Variants in SLC38A12 observed in about 807,000 individuals in gnomAD.
The protein encoded by SLC38A12 is solute carrier family 38 member 12.
the SLC38A12 span, chr17:74,791,030 A>T: frequency 4.3e-6 from 7 of 1,613,782 alleles, no homozygotes; most frequent in Non-Finnish European, 5.9e-6. Flanking sequence ...CATGTTCTTC[A>T]ATAAAGGTAG....
chr17:74,789,809 C>T, the SLC38A12 span, among the ~76,000 whole-genome samples: 56 of 140,470 alleles, frequency 4.0e-4, no homozygotes, highest in African/African-American at 1.4e-3. Context: ...CACACCATTG[C>T]ACTCCAGCCC....
the SLC38A12 span, among the ~76,000 whole-genome samples, chr17:74,801,337 G>C: frequency 1.3e-5 from 2 of 152,222 alleles, no homozygotes; most frequent in Non-Finnish European, 2.9e-5. Context: ...GCGTGCAGTC[G>C]TTCTAACCCG....
At chr17:74,810,746 T>C in the SLC38A12 span, among the ~76,000 whole-genome samples, 1 of 152,344 alleles carries the variant, frequency 6.6e-6, no homozygotes, top group Admixed American at 6.5e-5. Context: ...CTCATCCTTA[T>C]ATAGTTCCTT....
chr17:74,809,390 C>T, the SLC38A12 span, among the ~76,000 whole-genome samples: 1 of 152,166 alleles, frequency 6.6e-6, no homozygotes, highest in Admixed American at 6.5e-5. Flanking sequence ...AGCCTCAGAG[C>T]AGCCTCCCCC....
chr17:74,834,173 T>C, the SLC38A12 span, among the ~76,000 whole-genome samples: 1 of 152,140 alleles, frequency 6.6e-6, no homozygotes, highest in East Asian at 1.9e-4. Context: ...GGTCCTGGGC[T>C]GTCCCACAGG....
At chr17:74,790,772 T>TTA in the SLC38A12 span, among the ~76,000 whole-genome samples, 90 of 127,004 alleles carry the variant, frequency 7.1e-4, no homozygotes, top group East Asian at 1.9e-3. Context: ...TGAATTCCCT[T>TTA]AAAAAAAAAA....
chr17:74,777,602 A>G, the SLC38A12 span: 33 of 1,498,478 alleles, frequency 2.2e-5, no homozygotes, highest in Non-Finnish European at 2.9e-5. Flanking sequence ...GGTCAAGCCA[A>G]ACAAAATCGC....
chr17:74,787,536 G>T, the SLC38A12 span, among the ~76,000 whole-genome samples: 1 of 151,530 alleles, frequency 6.6e-6, no homozygotes, highest in African/African-American at 2.4e-5. Context: ...GCAGGAGAAT[G>T]GCGTGAACCC....
At chr17:74,836,186 C>T in the SLC38A12 span, 4,827 of 1,612,716 alleles carry the variant, frequency 3.0e-3, 115 homozygotes, top group African/African-American at 0.056. The surrounding 1 kb of genome is among the most constrained non-coding windows in gnomAD (Gnocchi z 4.2). Context: ...TCTGCTTCCG[C>T]GGCGACAGCC....
At chr17:74,794,960 A>AG in the SLC38A12 span, 4 of 1,458,688 alleles carry the variant, frequency 2.7e-6, no homozygotes, top group South Asian at 1.2e-5. Flanking sequence ...AAAAAAAAAA[A>AG]CATGCAGACA....
the SLC38A12 span, among the ~76,000 whole-genome samples, chr17:74,807,638 G>C: frequency 5.3e-5 from 8 of 152,344 alleles, no homozygotes; most frequent in African/African-American, 1.9e-4. Context: ...TCTGTCTTTG[G>C]GGGGCAGAAG....
At chr17:74,795,483 G>A in the SLC38A12 span, 1,716 of 1,579,770 alleles carry the variant, frequency 1.1e-3, 24 homozygotes, top group South Asian at 0.011. Flanking sequence ...CCAGCCAGGC[G>A]GCCTCGCTGA....
At chr17:74,795,364 G>A in the SLC38A12 span, among the ~76,000 whole-genome samples, 1 of 152,228 alleles carries the variant, frequency 6.6e-6, no homozygotes, top group Non-Finnish European at 1.5e-5. Flanking sequence ...GGTGCTGCAG[G>A]AACAAGGAGG....
chr17:74,799,250 G>A, the SLC38A12 span, among the ~76,000 whole-genome samples: 1 of 152,252 alleles, frequency 6.6e-6, no homozygotes, highest in Non-Finnish European at 1.5e-5. Flanking sequence ...ACCGCTCACA[G>A]GTGGACAGAT....
chr17:74,822,344 C>T, the SLC38A12 span, among the ~76,000 whole-genome samples: 1 of 152,222 alleles, frequency 6.6e-6, no homozygotes, highest in South Asian at 2.1e-4. Flanking sequence ...CCTGTTTCCC[C>T]CAGCCCCTTC....
At chr17:74,827,815 G>A in the SLC38A12 span, among the ~76,000 whole-genome samples, 1 of 152,122 alleles carries the variant, frequency 6.6e-6, no homozygotes, top group Admixed American at 6.5e-5. The surrounding 1 kb of genome is among the most constrained non-coding windows in gnomAD (Gnocchi z 4.7). Flanking sequence ...ATTATTTAAG[G>A]AACAAATGCC....
chr17:74,815,362 T>A, the SLC38A12 span, among the ~76,000 whole-genome samples: 1 of 152,184 alleles, frequency 6.6e-6, no homozygotes, highest in South Asian at 2.1e-4. Flanking sequence ...GTGACAGATC[T>A]GCAGGCAGAG....
At chr17:74,801,988 C>A in the SLC38A12 span, among the ~76,000 whole-genome samples, 1 of 152,098 alleles carries the variant, frequency 6.6e-6, no homozygotes, top group East Asian at 1.9e-4. Context: ...ACCACCCCAC[C>A]CATTCCTCCG....
At chr17:74,784,480 G>A in the SLC38A12 span, among the ~76,000 whole-genome samples, 1 of 152,150 alleles carries the variant, frequency 6.6e-6, no homozygotes, top group Non-Finnish European at 1.5e-5. Context: ...GCAGGCAGCT[G>A]GACTTGAGGT....
Sources: gnomAD v4.1 joint callset for allele counts (sites outside exome capture counted in the v4.1 genomes callset) on GRCh38, gnomAD v4.1.1 for gene constraint, Gnocchi (gnomAD v3.1) non-coding constraint, MANE v1.5 for transcripts, NCBI Gene and HGNC (gene_info 2026-07-23, HGNC 2026-07-21) for gene names.